CCDC171: variants seen among roughly 807,000 people sequenced by gnomAD.
CCDC171 encodes coiled-coil domain-containing protein 171.
In CCDC171, 177 loss-of-function variants were observed where a neutral mutation model predicts 168.2. The ratio of observed to expected loss-of-function variants is 1.05; its 90% CI spans 0.93 to 1.19. The LOEUF (loss-of-function observed/expected upper bound fraction) is 1.19, where lower values mean the gene tolerates loss of function less well. Ranked by LOEUF, CCDC171 falls within the 50% of genes most tolerant of loss-of-function variation. CCDC171 has a pLI of 0.00. For synonymous variants in CCDC171, 687 were observed against 540.8 expected (o/e 1.27, Z -3.75); for missense variants, 1,991 against 1,539.0 (o/e 1.29, Z -4.91).
chr9:16,061,091 C>G (rs1833925840), exon 2 of CCDC171: 1 of 152,226 alleles, frequency 6.6e-6, no homozygotes, highest in Non-Finnish European at 1.5e-5. Flanking sequence ...AAGGGGTGGA[C>G]TATGAGATGG....
intron 3 of CCDC171, among the ~76,000 whole-genome samples, chr9:15,998,083 T>C (rs1317208129): frequency 6.6e-6 from 1 of 152,118 alleles, no homozygotes; most frequent in Non-Finnish European, 1.5e-5. Flanking sequence ...CCTCCAAGAC[T>C]TCAGAGCCCT....
At chr9:15,887,737 C>A in intron 24 of CCDC171, 1 of 151,974 alleles carries the variant, frequency 6.6e-6, no homozygotes, top group Middle Eastern at 3.4e-3. Flanking sequence ...ATAATAATTT[C>A]ATTTAGAAAT....
At chr9:15,754,732 A>T (rs1397987978) in intron 18 of CCDC171, among the ~76,000 whole-genome samples, 1 of 152,166 alleles carries the variant, frequency 6.6e-6, no homozygotes, top group African/African-American at 2.4e-5. Flanking sequence ...TATATATAAA[A>T]TGGGGAAAGT....
the CCDC171 span, among the ~76,000 whole-genome samples, chr9:16,102,035 A>G: frequency 6.6e-6 from 1 of 152,222 alleles, no homozygotes; most frequent in Non-Finnish European, 1.5e-5. Context: ...CTGCAGCAAT[A>G]GTAAACCAAA....
chr9:16,068,622 G>T, the CCDC171 span, among the ~76,000 whole-genome samples: 1 of 152,166 alleles, frequency 6.6e-6, no homozygotes, highest in East Asian at 1.9e-4. Context: ...ACTTCATGAT[G>T]GTGCCTTCCT....
chr9:15,996,037 G>A (rs775257530), intron 3 of CCDC171, among the ~76,000 whole-genome samples: 9 of 152,088 alleles, frequency 5.9e-5, no homozygotes, highest in South Asian at 2.1e-4. Context: ...TTCCAACACC[G>A]TGCTCTTCTG....
intron 18 of CCDC171, among the ~76,000 whole-genome samples, chr9:15,775,914 A>G (rs566641317): frequency 6.6e-6 from 1 of 152,342 alleles, no homozygotes; most frequent in African/African-American, 2.4e-5. Flanking sequence ...AGATGAAAAA[A>G]GACACAGATA....
intron 5 of CCDC171, 151 bp downstream of exon 5, chr9:15,591,707 G>A (rs1053263001): frequency 1.0e-5 from 6 of 571,990 alleles, no homozygotes; most frequent in South Asian, 4.6e-5. Flanking sequence ...GGGCATATTT[G>A]CTGGTCTCTT....
At chr9:15,801,002 G>A (rs2058795607) in intron 21 of CCDC171, among the ~76,000 whole-genome samples, 1 of 151,962 alleles carries the variant, frequency 6.6e-6, no homozygotes, top group South Asian at 2.1e-4. Flanking sequence ...ATGCTGTTTT[G>A]GTTGCTGTAA....
chr9:15,990,703 T>C (rs201953104), intron 3 of CCDC171, among the ~76,000 whole-genome samples: 1 of 152,082 alleles, frequency 6.6e-6, no homozygotes, highest in South Asian at 2.1e-4. Flanking sequence ...GAGCCACACA[T>C]AGGCTCAAAA....
chr9:15,785,112 A>C (rs1187706762), intron 21 of CCDC171, among the ~76,000 whole-genome samples: 1 of 152,064 alleles, frequency 6.6e-6, no homozygotes, highest in Non-Finnish European at 1.5e-5. Flanking sequence ...ATATAAGTAC[A>C]TATTTGGGGA....
intron 23 of CCDC171, among the ~76,000 whole-genome samples, chr9:15,865,019 T>C (rs1302991062): frequency 1.3e-5 from 2 of 152,094 alleles, no homozygotes; most frequent in Non-Finnish European, 1.5e-5. Context: ...TGAGAAGTCT[T>C]AGATGCTTTT....
chr9:15,566,791 G>A (rs1463668764), intron 2 of CCDC171, among the ~76,000 whole-genome samples: 5 of 152,042 alleles, frequency 3.3e-5, no homozygotes, highest in African/African-American at 1.2e-4. Flanking sequence ...TTTTCTTCTA[G>A]AAGTTTTATA....
intron 1 of CCDC171, among the ~76,000 whole-genome samples, chr9:15,553,915 C>T (rs2038556177): frequency 6.6e-6 from 1 of 151,228 alleles, no homozygotes; most frequent in Non-Finnish European, 1.5e-5. Flanking sequence ...GAGATAAATA[C>T]GTCTTTATTT....
chr9:15,702,447 C>T (rs1042419338), intron 11 of CCDC171, among the ~76,000 whole-genome samples: 1 of 151,922 alleles, frequency 6.6e-6, no homozygotes, highest in Non-Finnish European at 1.5e-5. Flanking sequence ...TATAAATGCT[C>T]TATAAATGCA....
At chr9:15,631,966 A>G (rs1367486591) in intron 7 of CCDC171, among the ~76,000 whole-genome samples, 3 of 152,206 alleles carry the variant, frequency 2.0e-5, no homozygotes, top group Non-Finnish European at 2.9e-5. Flanking sequence ...GACAAAATTC[A>G]ACAACCCTTC....
chr9:15,819,350 C>T lies in CCDC171; in HGVS notation c.3268-27352C>T, dbSNP rs576492983. On this transcript the variant is annotated intron_variant, in intron 21 of 25. Coordinates refer to ENST00000380701, the MANE Select transcript of CCDC171 (RefSeq NM_173550.4). ...TCAGATTCACACATAACAATATTAA[C>T]CTTAAATGTAAATGGGCTAAATGCT... 1.6e-4 allele frequency among the ~76,000 whole-genome samples: 19 copies of T among 117,296 alleles called. 3 individuals are homozygous for T. The highest frequency in any genetic ancestry group is 1.2e-3 in the Admixed American group (15 of 12,486). The allele number at this position is 117,296 out of a possible 152,430, so 77.0% of individuals were successfully genotyped here.
intron 6 of CCDC171, among the ~76,000 whole-genome samples, chr9:16,034,045 A>G (rs1308537482): frequency 6.6e-6 from 1 of 152,250 alleles, no homozygotes; most frequent in African/African-American, 2.4e-5. Flanking sequence ...AAGTTTGAAG[A>G]TCAAGTGCTT....
chr9:15,978,943 T>A (rs1004654602), downstream of CCDC171, among the ~76,000 whole-genome samples: 1 of 152,170 alleles, frequency 6.6e-6, no homozygotes, highest in African/African-American at 2.4e-5. Context: ...TTTCTATCTC[T>A]ATGGATTTGC....
Sources: gnomAD v4.1 joint callset for allele counts (sites outside exome capture counted in the v4.1 genomes callset) on GRCh38, gnomAD v4.1.1 for gene constraint, MANE v1.5 for transcripts, NCBI Gene and HGNC (gene_info 2026-07-23, HGNC 2026-07-21) for gene names.